Variants in FAM187B observed in about 807,000 individuals in gnomAD.
FAM187B encodes family with sequence similarity 187 member B, also known as protein FAM187B.
A neutral mutation model predicts 22.6 loss-of-function variants in FAM187B; 22 were observed. That is an observed-to-expected ratio of 0.97 (90% CI 0.70 to 1.39). FAM187B has a LOEUF of 1.39. FAM187B is among the 40% of genes most tolerant of loss of function. The pLI is 0.00. For synonymous variants in FAM187B, 192 were observed against 201.8 expected (o/e 0.95, Z 0.41); for missense variants, 433 against 462.1 (o/e 0.94, Z 0.58).
In FAM187B at chr19:35,224,861, C is replaced by G; in HGVS notation, c.1074G>C (p.Pro358=). Residue 358 remains proline, a synonymous_variant, in exon 2 of 2, where the codon CCG becomes CCC. Transcript: ENST00000324675. ...CCAGCACCTGTGTGCTTCTCCTGCC[C>G]GGGGAAGGGTGGATGCACTTGAGCA... The part of the protein sequence containing the change: ...GALLKCIHPS[P]GRRSTQVLVV... 3 of 1,612,922 alleles carry G rather than the reference C, an allele frequency of 1.9e-6. No homozygotes were observed. The highest frequency in any genetic ancestry group is 4.5e-5 in the East Asian group (2 of 44,866).
rs914780937 is a variant in FAM187B at position 35,227,985 on chromosome 19, G to C, written c.696C>G (p.Leu232=). The change falls in exon 1 of 2, where the codon CTC becomes CTG. Residue 232 remains leucine (L), a synonymous_variant. Coordinates refer to ENST00000324675, the MANE Select transcript of FAM187B (RefSeq NM_152481.2). ...RLDEKTEFVW[L]DCPLGSMYRP... The stretch of plus-strand genomic sequence containing the variant: ...TGTACATGGATCCTAAGGGACAGTC[G>C]AGCCACACAAATTCTGTCTTCTCAT... 6 of 1,612,544 alleles carry C rather than the reference G, an allele frequency of 3.7e-6. No individual in the cohort carries two copies. The Admixed American group carries it at 5.0e-5, about 13-fold the overall frequency.
Position 35,224,809 on chromosome 19 carries a change from G to T in FAM187B, c.*16C>A. On this transcript the variant is annotated 3_prime_UTR_variant, in exon 2 of 2. Transcript: ENST00000324675. ...AGAACCGGAGGCCGGGTCCGCTTGT[G>T]CACCGGGGGCTCGCTTTATTTCACC... The T allele has an allele frequency of 6.3e-7, 1 of 1,591,038 alleles. No individual in the cohort carries two copies. Among genetic ancestry groups the T allele is most frequent in the East Asian group, 2.2e-5 (1 of 44,626 alleles).
At position 35,225,047 on chromosome 19, in the gene FAM187B, G is replaced by C; in HGVS notation, c.888C>G (p.Phe296Leu). The change falls in exon 2 of 2, where the codon TTC (phenylalanine) becomes TTG (leucine). Residue 296 changes from phenylalanine (F) to leucine (L), a missense_variant. Transcript: ENST00000324675. ...CFVQQELVAQ[F>L]KPAASLETLE... ...GCGTCTCCAGACTGGCGGCGGGTTT[G>C]AACTGGGCCACGAGCTCCTGCTGCA... 6.2e-7 allele frequency: 1 copy of C among 1,613,184 alleles called. No individual in the cohort carries two copies. Among genetic ancestry groups the C allele is most frequent in the South Asian group, 1.1e-5 (1 of 91,026 alleles).
Position 35,224,861 on chromosome 19 carries a change from CG to C in FAM187B, c.1073del (p.Pro358ArgfsTer11). 6.2e-7 allele frequency: 1 copy of C among 1,612,922 alleles called. No homozygotes were observed. The highest frequency in any genetic ancestry group is 8.5e-7 in the Non-Finnish European group (1 of 1,179,456). On this transcript the variant is annotated frameshift_variant, in exon 2 of 2. Coordinates refer to ENST00000324675, the MANE Select transcript of FAM187B (RefSeq NM_152481.2). LOFTEE classifies it low-confidence loss of function (END_TRUNC). ...CCAGCACCTGTGTGCTTCTCCTGCC[CG>C]GGGAAGGGTGGATGCACTTGAGCAG... ...GALLKCIHPSPGRRSTQVLVV... is the reference protein window; with the variant it reads ...GALLKCIHPSXGRRSTQVLVV...
intron 1 of FAM187B, among the ~76,000 whole-genome samples, chr19:35,227,656 A>G (rs1459709716): frequency 6.6e-6 from 1 of 152,308 alleles, no homozygotes; most frequent in East Asian, 1.9e-4. Flanking sequence ...CGGGGGCACC[A>G]GCCTCTCCTC....
chr19:35,225,817 G>C (rs1157473239), intron 1 of FAM187B, among the ~76,000 whole-genome samples: 4 of 151,652 alleles, frequency 2.6e-5, no homozygotes, highest in Admixed American at 6.6e-5. Context: ...TCCCAAAAAA[G>C]AAAACAACAA....
At chr19:35,226,145 C>A (rs1488198695) in intron 1 of FAM187B, among the ~76,000 whole-genome samples, 2 of 152,132 alleles carry the variant, frequency 1.3e-5, no homozygotes, top group Non-Finnish European at 2.9e-5. Context: ...CTATTCCCAG[C>A]ATCCCTTCCT....
chr19:35,225,738 A>G (rs545730392), intron 1 of FAM187B, among the ~76,000 whole-genome samples: 198 of 152,246 alleles, frequency 1.3e-3, no homozygotes, highest in Non-Finnish European at 2.3e-3. Context: ...ACTTGAGCCC[A>G]GGAGGTTGAG....
intron 1 of FAM187B, among the ~76,000 whole-genome samples, chr19:35,226,729 T>A (rs2065662756): frequency 1.3e-5 from 2 of 152,162 alleles, no homozygotes; most frequent in Non-Finnish European, 1.5e-5. Context: ...TATTGGATGC[T>A]ATGGCAGGCA....
intron 1 of FAM187B, among the ~76,000 whole-genome samples, chr19:35,225,529 A>G (rs991124853): frequency 1.3e-5 from 2 of 152,216 alleles, no homozygotes; most frequent in African/African-American, 2.4e-5. Context: ...CTAAGAGTCT[A>G]GACCAGGCTT....
At chr19:35,226,079 G>A (rs1435158934) in intron 1 of FAM187B, among the ~76,000 whole-genome samples, 1 of 152,146 alleles carries the variant, frequency 6.6e-6, no homozygotes, top group Non-Finnish European at 1.5e-5. Context: ...GGGCTGAAAT[G>A]GCAGCTTCTC....
rs747991914 is a variant in FAM187B, at chr19:35,228,290, C to T, written c.391G>A (p.Glu131Lys). The change falls in exon 1 of 2, where the codon GAG becomes AAG. Residue 131 changes from glutamate to lysine, a missense_variant. Glu to Lys is a moderately conservative substitution (Grantham distance 56). Transcript: ENST00000324675. ...TGTTTGCTGCCCAAATGCAGGGTCT[C>T]GTTCTGCAGGGGCCTCTGACCCAGG... The part of the protein sequence containing the change: ...KDLGQRPLQN[E>K]TLHLGSKQLI... 3.4e-5 allele frequency: 55 copies of T among 1,614,194 alleles called. No individual in the cohort carries two copies. The South Asian group carries it at 4.0e-4, about 12-fold the overall frequency.
chr19:35,225,761 C>G (rs2065659946), intron 1 of FAM187B, among the ~76,000 whole-genome samples: 3 of 151,276 alleles, frequency 2.0e-5, no homozygotes, highest in Admixed American at 2.0e-4. Flanking sequence ...TGCAGTGAGC[C>G]AGTCACAGCA....
chr19:35,226,223 G>A (rs776785919), intron 1 of FAM187B, among the ~76,000 whole-genome samples: 17 of 152,104 alleles, frequency 1.1e-4, no homozygotes, highest in Non-Finnish European at 2.2e-4. Context: ...CAGCACTTTG[G>A]GAGGCCGATG....
At chr19:35,225,824 AC>A (rs1232640480) in intron 1 of FAM187B, among the ~76,000 whole-genome samples, 1 of 151,950 alleles carries the variant, frequency 6.6e-6, no homozygotes, top group Non-Finnish European at 1.5e-5. Flanking sequence ...AAAGAAAACA[AC>A]AAACCAAAAA....
chr19:35,227,946 G>A lies in FAM187B; in HGVS notation c.722+13C>T. On this transcript the variant is annotated intron_variant, in intron 1 of 1. Coordinates refer to ENST00000324675, the MANE Select transcript of FAM187B (RefSeq NM_152481.2). ...AGAATCTGGGTAGGGGCCAGAGGCA[G>A]GGATTCCATCACCTGTACATGGATC... is the stretch of plus-strand genomic sequence containing the variant. 6.3e-7 allele frequency: 1 copy of A among 1,589,976 alleles called. No individual in the cohort carries two copies.
intron 1 of FAM187B, among the ~76,000 whole-genome samples, chr19:35,226,637 C>T (rs778570159): frequency 1.3e-5 from 2 of 152,160 alleles, no homozygotes; most frequent in Non-Finnish European, 2.9e-5. Flanking sequence ...ACACACCCAG[C>T]GTGGTGGAAG....
chr19:35,226,734 C>A (rs2065662787), intron 1 of FAM187B, among the ~76,000 whole-genome samples: 1 of 152,186 alleles, frequency 6.6e-6, no homozygotes, highest in African/African-American at 2.4e-5. Context: ...GATGCTATGG[C>A]AGGCACTCTA....
At position 35,225,180 on chromosome 19, in the gene FAM187B, A is replaced by T. The variant is rs775109507; in HGVS notation, c.755T>A (p.Leu252Gln). ...PVNWRANDTP[L>Q]TWESQLSGQD... is the part of the protein sequence containing the mutation. ...GCCGGAGAGCTGGCTCTCCCACGTC[A>T]GGGGGGTGTCGTTGGCACGCCAGTT... is the stretch of plus-strand genomic sequence containing the variant. The change falls in exon 2 of 2, where the codon CTG (leucine) becomes CAG (glutamine). Residue 252 changes from leucine (L) to glutamine (Q), a missense_variant. Coordinates refer to ENST00000324675, the MANE Select transcript of FAM187B (RefSeq NM_152481.2). 37 of 1,521,340 alleles carry T rather than the reference A, an allele frequency of 2.4e-5. No individual in the cohort carries two copies. The South Asian group carries it at 3.9e-4, about 16-fold the overall frequency. The allele number at this position is 1,521,340 out of a possible 1,614,324, so 94.2% of individuals were successfully genotyped here. A position where few individuals can be genotyped will look rare whatever the true frequency, so the allele number is the denominator to read the frequency against.
Sources: gnomAD v4.1 joint callset for allele counts (sites outside exome capture counted in the v4.1 genomes callset) on GRCh38, gnomAD v4.1.1 for gene constraint, MANE v1.5 for transcripts, NCBI Gene and HGNC (gene_info 2026-07-23, HGNC 2026-07-21) for gene names.